Variants in CATSPERT observed in about 807,000 individuals in gnomAD.
The protein encoded by CATSPERT is cation channel sperm-associated targeting subunit tau.
the CATSPERT span, among the ~76,000 whole-genome samples, chr2:201,518,349 G>A: frequency 6.6e-6 from 1 of 152,218 alleles, no homozygotes. Flanking sequence ...CAGGGCTTAT[G>A]AGCCACTGCT....
At chr2:201,526,555 A>G in the CATSPERT span, among the ~76,000 whole-genome samples, 18 of 152,280 alleles carry the variant, frequency 1.2e-4, no homozygotes, top group African/African-American at 4.3e-4. Context: ...CCAGCAGCAC[A>G]TCAGAAAGCT....
chr2:201,551,398 C>G, the CATSPERT span, among the ~76,000 whole-genome samples: 1 of 152,094 alleles, frequency 6.6e-6, no homozygotes, highest in Non-Finnish European at 1.5e-5. Flanking sequence ...TTATCATTTA[C>G]TACCATAAAA....
At chr2:201,566,863 C>T in the CATSPERT span, among the ~76,000 whole-genome samples, 1 of 152,076 alleles carries the variant, frequency 6.6e-6, no homozygotes, top group Non-Finnish European at 1.5e-5. Context: ...GTGCTAGGTG[C>T]AATGTTCATA....
chr2:201,613,591 A>G, the CATSPERT span, among the ~76,000 whole-genome samples: 1 of 152,222 alleles, frequency 6.6e-6, no homozygotes, highest in Non-Finnish European at 1.5e-5. Flanking sequence ...AAAACCACAA[A>G]GATGGGGAGA....
the CATSPERT span, chr2:201,487,752 C>G: frequency 1.9e-6 from 3 of 1,613,980 alleles, no homozygotes; most frequent in Non-Finnish European, 1.7e-6. Context: ...TGCTTGTTAA[C>G]CTCCGGAGCA....
At chr2:201,491,972 T>A in the CATSPERT span, 1 of 1,537,082 alleles carries the variant, frequency 6.5e-7, no homozygotes, top group Non-Finnish European at 8.7e-7. Context: ...GCCTGGATAT[T>A]TTCATTGGAA....
At chr2:201,578,986 T>C in the CATSPERT span, among the ~76,000 whole-genome samples, 2 of 152,204 alleles carry the variant, frequency 1.3e-5, no homozygotes, top group Non-Finnish European at 2.9e-5. Context: ...ATTTATCTGA[T>C]TTAACAGTAT....
At chr2:201,488,426 G>A in the CATSPERT span, among the ~76,000 whole-genome samples, 1 of 152,142 alleles carries the variant, frequency 6.6e-6, no homozygotes, top group Admixed American at 6.5e-5. Flanking sequence ...GAGAGTGTGT[G>A]CCACACCCAA....
At chr2:201,502,378 C>T in the CATSPERT span, among the ~76,000 whole-genome samples, 2 of 151,984 alleles carry the variant, frequency 1.3e-5, no homozygotes, top group Non-Finnish European at 2.9e-5. Flanking sequence ...TTGAGACCAG[C>T]CTGACCAACA....
chr2:201,581,450 AT>A, the CATSPERT span, among the ~76,000 whole-genome samples: 1 of 126,622 alleles, frequency 7.9e-6, no homozygotes, highest in Non-Finnish European at 1.6e-5. Context: ...ATATATATAT[AT>A]ATATGTATAC....
chr2:201,545,629 C>CAAAAAAAAA, the CATSPERT span: 62 of 156,534 alleles, frequency 4.0e-4, 1 homozygote, highest in Non-Finnish European at 5.3e-4. Flanking sequence ...TTCCTAGAAG[C>CAAAAAAAAA]AAAAAAAAAA....
At chr2:201,524,233 G>A in the CATSPERT span, among the ~76,000 whole-genome samples, 1 of 152,040 alleles carries the variant, frequency 6.6e-6, no homozygotes. Context: ...AAAAGGGCAG[G>A]TCATCTACAA....
chr2:201,607,447 T>A, the CATSPERT span, among the ~76,000 whole-genome samples: 5 of 151,952 alleles, frequency 3.3e-5, no homozygotes, highest in African/African-American at 1.2e-4. Flanking sequence ...AGCCTAGGAG[T>A]TCGAGACCAG....
At chr2:201,619,073 G>T in the CATSPERT span, 1 of 1,614,076 alleles carries the variant, frequency 6.2e-7, no homozygotes, top group African/African-American at 1.3e-5. Context: ...ACTTGGACCT[G>T]CCCGCTGCGG....
the CATSPERT span, among the ~76,000 whole-genome samples, chr2:201,510,037 A>G: frequency 7.9e-4 from 119 of 151,110 alleles, 3 homozygotes; most frequent in African/African-American, 2.9e-3. Context: ...AGGAATTCTA[A>G]GGGATGGGCA....
At chr2:201,575,547 C>T in the CATSPERT span, among the ~76,000 whole-genome samples, 1 of 152,094 alleles carries the variant, frequency 6.6e-6, no homozygotes, top group Non-Finnish European at 1.5e-5. Context: ...CTGAGCTTCA[C>T]CTCCTGCCAG....
At chr2:201,508,774 T>C in the CATSPERT span, among the ~76,000 whole-genome samples, 2 of 152,166 alleles carry the variant, frequency 1.3e-5, no homozygotes, top group Admixed American at 6.5e-5. Flanking sequence ...CTTAGCATAA[T>C]TCCTCAAAGT....
the CATSPERT span, among the ~76,000 whole-genome samples, chr2:201,500,513 C>T: frequency 6.6e-6 from 1 of 151,680 alleles, no homozygotes; most frequent in Non-Finnish European, 1.5e-5. Flanking sequence ...GACTCTGTTT[C>T]AAAATAAAAA....
the CATSPERT span, among the ~76,000 whole-genome samples, chr2:201,562,518 A>T: frequency 3.6e-5 from 4 of 111,890 alleles, no homozygotes; most frequent in East Asian, 4.4e-4. Flanking sequence ...TTATTTATTT[A>T]TTTATTTATT....
Sources: gnomAD v4.1 joint callset for allele counts (sites outside exome capture counted in the v4.1 genomes callset) on GRCh38, gnomAD v4.1.1 for gene constraint, MANE v1.5 for transcripts, NCBI Gene and HGNC (gene_info 2026-07-23, HGNC 2026-07-21) for gene names.